PTER: variants seen among roughly 807,000 people sequenced by gnomAD.
PTER encodes phosphotriesterase related, also known as N-acetyltaurine hydrolase.
PTER carries 38 observed loss-of-function variants against 29.6 expected under a neutral mutation model. The ratio of observed to expected loss-of-function variants is 1.28; its 90% CI spans 0.99 to 1.68. The LOEUF (loss-of-function observed/expected upper bound fraction) is 1.68, where lower values mean the gene tolerates loss of function less well. PTER is among the 40% of genes most tolerant of loss of function. The pLI, the probability that PTER is intolerant of heterozygous loss-of-function variation, is 0.00. For missense variants in PTER, 482 were observed against 427.8 expected (o/e 1.13, Z -1.12); for synonymous variants, 172 against 154.5 (o/e 1.11, Z -0.84).
rs149649775 is a variant in PTER at position 16,453,927 on chromosome 10, C to A, written c.-49+16880C>A. 1.3e-4 allele frequency among the ~76,000 whole-genome samples: 20 copies of A among 152,218 alleles called. No homozygotes were observed. In the East Asian group the frequency reaches 2.5e-3, roughly 19 times the overall value. On this transcript the variant is annotated intron_variant, in intron 1 of 4. Transcript: ENST00000535784. Reference sequence around the variant, plus strand: ...GCTTAGAAATCACTTTGTTCCACTCCCTTGTTTTATTAATGAGAAAACTGA... The same window carrying A: ...GCTTAGAAATCACTTTGTTCCACTCACTTGTTTTATTAATGAGAAAACTGA...
chr10:16,475,455 A>T (rs1835224813), intron 1 of PTER, among the ~76,000 whole-genome samples: 1 of 152,178 alleles, frequency 6.6e-6, no homozygotes, highest in South Asian at 2.1e-4. Context: ...CCATGTAGGA[A>T]GGTAGCCAGA....
intron 1 of PTER, among the ~76,000 whole-genome samples, chr10:16,467,086 T>A (rs1834863749): frequency 6.6e-6 from 1 of 152,242 alleles, no homozygotes; most frequent in South Asian, 2.1e-4. Flanking sequence ...TTCTGGCTCT[T>A]ACACTACTGT....
At position 16,484,480 on chromosome 10, in the gene PTER, C is replaced by A. The variant is rs772528968; in HGVS notation, c.96C>A (p.Thr32=). 1.3e-5 allele frequency: 21 copies of A among 1,614,082 alleles called. No homozygotes were observed. The highest frequency in any genetic ancestry group is 1.8e-5 in the Non-Finnish European group (21 of 1,180,014). Residue 32 remains threonine, a synonymous_variant, in exon 2 of 5, where the codon ACC becomes ACA. Transcript: ENST00000535784. ...RTLTHEHLAM[T]FDCCYCPPPP... ...TGACCCATGAACACCTGGCCATGACCTTTGACTGCTGTTACTGTCCACCTC... is the reference window on the plus strand; with the variant it reads ...TGACCCATGAACACCTGGCCATGACATTTGACTGCTGTTACTGTCCACCTC...
downstream of PTER, among the ~76,000 whole-genome samples, chr10:16,517,021 G>A (rs111960600): frequency 0.012 from 1,765 of 152,274 alleles, 30 homozygotes; most frequent in African/African-American, 0.04. Context: ...GAAATTTCAA[G>A]CTCTAGTATT....
chr10:16,496,406 C>T (rs1836101127), intron 3 of PTER, among the ~76,000 whole-genome samples: 1 of 152,192 alleles, frequency 6.6e-6, no homozygotes, highest in African/African-American at 2.4e-5. Context: ...AGTCTCTGAG[C>T]CAAAGCCACA....
intron 1 of PTER, among the ~76,000 whole-genome samples, chr10:16,441,962 T>C (rs890716495): frequency 1.3e-5 from 2 of 152,210 alleles, no homozygotes; most frequent in African/African-American, 4.8e-5. Context: ...CACTGAGTTC[T>C]TTCTTCACAG....
chr10:16,474,612 G>T (rs188903176), intron 1 of PTER, among the ~76,000 whole-genome samples: 4 of 152,182 alleles, frequency 2.6e-5, no homozygotes, highest in East Asian at 1.9e-4. Flanking sequence ...ATTTGGTCAG[G>T]CTTCGTGGGT....
downstream of PTER, among the ~76,000 whole-genome samples, chr10:16,514,912 A>G (rs762392588): frequency 2.0e-5 from 3 of 152,160 alleles, no homozygotes; most frequent in Non-Finnish European, 4.4e-5. Context: ...AAGGGACAAA[A>G]TAGTGCTTCA....
rs185457059 is a variant in PTER, at chr10:16,495,351, G to A, written c.698+8734G>A. Among the ~76,000 whole-genome samples the A allele has an allele frequency of 6.6e-5, 10 of 152,156 alleles. No individual in the cohort carries two copies. In the East Asian group the frequency reaches 1.9e-3, roughly 29 times the overall value. On this transcript the variant is annotated intron_variant, in intron 3 of 4. Coordinates refer to ENST00000535784, the MANE Select transcript of PTER (RefSeq NM_001261836.2). Reference sequence around the variant, plus strand: ...ACGCTCAGCCAATTTTGTATTTTTAGTAGAGACGAGGTTTTGCCATGTTGG... The same window carrying A: ...ACGCTCAGCCAATTTTGTATTTTTAATAGAGACGAGGTTTTGCCATGTTGG...
At chr10:16,494,147 C>G (rs1314385822) in intron 3 of PTER, among the ~76,000 whole-genome samples, 1 of 152,206 alleles carries the variant, frequency 6.6e-6, no homozygotes, top group East Asian at 1.9e-4. Context: ...AACGCAACCT[C>G]TTTTGTGCTA....
intron 1 of PTER, among the ~76,000 whole-genome samples, chr10:16,469,884 T>C (rs548348026): frequency 7.1e-6 from 1 of 141,372 alleles, no homozygotes; most frequent in Admixed American, 6.9e-5. Flanking sequence ...CTGGCTGTTT[T>C]TTTTGTTTGT....
intron 3 of PTER, among the ~76,000 whole-genome samples, chr10:16,493,609 C>A (rs1170108774): frequency 6.6e-6 from 1 of 151,860 alleles, no homozygotes; most frequent in Non-Finnish European, 1.5e-5. Flanking sequence ...TGCAAAATTT[C>A]CCCACCCCTG....
intron 3 of PTER, among the ~76,000 whole-genome samples, chr10:16,502,372 C>T (rs904426126): frequency 1.3e-5 from 2 of 152,000 alleles, no homozygotes; most frequent in South Asian, 4.1e-4. Flanking sequence ...TATAGAAAAA[C>T]ACATATTCTT....
chr10:16,479,703 G>A (rs1361313724), intron 1 of PTER, among the ~76,000 whole-genome samples: 1 of 151,956 alleles, frequency 6.6e-6, no homozygotes, highest in Non-Finnish European at 1.5e-5. Context: ...AGTTCCATCT[G>A]CTCTGCCTCT....
rs2133526865 is a variant in PTER at position 16,511,154 on chromosome 10, A to G, written c.948A>G (p.Ile316Met). ...ATGGAGGTCACGGCTATTCTCATAT[A>G]CTCACCAATGTTGTTCCTAAAATGT... The part of the protein sequence containing the change: ...MKYGGHGYSH[I>M]LTNVVPKMLL... Residue 316 changes from isoleucine to methionine, a missense_variant, in exon 5 of 5, where the codon ATA (isoleucine) becomes ATG (methionine). Transcript: ENST00000535784. 1 of 1,614,132 alleles carries G rather than the reference A, an allele frequency of 6.2e-7. No homozygotes were observed. The highest frequency in any genetic ancestry group is 1.3e-5 in the African/African-American group (1 of 75,044).
At chr10:16,451,889 A>G (rs1360977519) in intron 1 of PTER, among the ~76,000 whole-genome samples, 2 of 152,070 alleles carry the variant, frequency 1.3e-5, no homozygotes, top group African/African-American at 4.8e-5. Flanking sequence ...AAGCCCTTTA[A>G]TTTTTGGAAA....
intron 3 of PTER, among the ~76,000 whole-genome samples, chr10:16,498,059 A>G (rs185916802): frequency 1.3e-5 from 2 of 152,374 alleles, no homozygotes; most frequent in East Asian, 3.9e-4. Context: ...GACATGAACA[A>G]GTACTTGATA....
chr10:16,502,913 C>T (rs1406133798), intron 3 of PTER, among the ~76,000 whole-genome samples: 6 of 145,916 alleles, frequency 4.1e-5, no homozygotes, highest in African/African-American at 1.0e-4. Flanking sequence ...CACTTGAACC[C>T]GAGAGGTGGA....
In PTER at chr10:16,513,458, A is replaced by ATG. The variant is rs1175007285; in HGVS notation, c.*2211_*2212dup. On this transcript the variant is annotated 3_prime_UTR_variant, in exon 5 of 5. Transcript: ENST00000535784. ...ATAAAACATTTCATCTAATATATAT[A>ATG]TGTGTGTGTGAGTATATGTGTGCAT... 1.3e-5 allele frequency: 2 copies of ATG among 150,030 alleles called. No homozygotes were observed. Among genetic ancestry groups the ATG allele is most frequent in the Non-Finnish European group, 3.0e-5 (2 of 67,284 alleles). The allele number at this position is 150,030 out of a possible 1,614,324, so 9.3% of individuals were successfully genotyped here.
Sources: gnomAD v4.1 joint callset for allele counts (sites outside exome capture counted in the v4.1 genomes callset) on GRCh38, gnomAD v4.1.1 for gene constraint, MANE v1.5 for transcripts, NCBI Gene and HGNC (gene_info 2026-07-23, HGNC 2026-07-21) for gene names.